SQSTM1: variants seen among roughly 807,000 people sequenced by gnomAD.
SQSTM1 encodes sequestosome-1.
SQSTM1 carries 36 observed loss-of-function variants against 45.1 expected under a neutral mutation model. That is an observed-to-expected ratio of 0.80 (90% CI 0.61 to 1.05). SQSTM1 has a LOEUF of 1.05. Ranked by LOEUF, SQSTM1 falls within the 50% of genes least tolerant of loss-of-function variation. SQSTM1 has a pLI of 0.00. For missense variants in SQSTM1, 617 were observed against 607.1 expected (o/e 1.02, Z -0.17); for synonymous variants, 290 against 244.3 (o/e 1.19, Z -1.74).
Position 179,806,531 on chromosome 5 carries a change from G to A in SQSTM1, c.-217G>A, listed in dbSNP as rs1239212407. 7.5e-7 allele frequency: 1 copy of A among 1,339,784 alleles called. No individual in the cohort carries two copies. Among genetic ancestry groups the A allele is most frequent in the Admixed American group, 2.6e-5 (1 of 38,962 alleles). The allele number at this position is 1,339,784 out of a possible 1,614,324, so 83.0% of individuals were successfully genotyped here. On this transcript the variant is annotated 5_prime_UTR_variant, in exon 1 of 6. Coordinates refer to the SQSTM1 transcript ENST00000514093. The surrounding 1 kb of genome is among the most constrained non-coding windows in gnomAD (Gnocchi z 4.6). Reference sequence around the variant, plus strand: ...CGCGTACCAGGACAGCGAGAGGAAGGCGCACAGGCAGAAGAGCAGCAGCGT... The same window carrying A: ...CGCGTACCAGGACAGCGAGAGGAAGACGCACAGGCAGAAGAGCAGCAGCGT...
chr5:179,836,681 A>G lies in SQSTM1; in HGVS notation c.*88A>G. 6.3e-7 allele frequency: 1 copy of G among 1,589,672 alleles called. No homozygotes were observed. The highest frequency in any genetic ancestry group is 8.6e-7 in the Non-Finnish European group (1 of 1,158,496). On this transcript the variant is annotated 3_prime_UTR_variant, in exon 8 of 8. Coordinates refer to ENST00000389805, the MANE Select transcript of SQSTM1 (RefSeq NM_003900.5). ...AGAATTGCAGGTCTCTGTACGGGCC[A>G]GTTTCTCTGCCTTCTTCCAGGATCA...
intron 5 of SQSTM1, among the ~76,000 whole-genome samples, chr5:179,828,670 G>A (rs567166740): frequency 1.3e-5 from 2 of 152,222 alleles, no homozygotes; most frequent in African/African-American, 4.8e-5. Flanking sequence ...CACTGTACCC[G>A]GCAGCTTCAA....
At chr5:179,835,470 G>A (rs972639671) in intron 7 of SQSTM1, 44 of 157,360 alleles carry the variant, frequency 2.8e-4, no homozygotes, top group African/African-American at 1.0e-3. Flanking sequence ...GATCACTCGT[G>A]GTTAGGAGCT....
At chr5:179,813,239 T>C (rs983778582) in intron 2 of SQSTM1, 1 of 152,196 alleles carries the variant, frequency 6.6e-6, no homozygotes, top group Non-Finnish European at 1.5e-5. Context: ...CTCACTGTCT[T>C]ACTATAGTCC....
At chr5:179,820,846 T>G (rs1430130569), upstream of SQSTM1, 4 of 1,252,252 alleles carry the variant, frequency 3.2e-6, no homozygotes, top group East Asian at 1.3e-4. Flanking sequence ...TCCGCCCCTC[T>G]CGAGGCGGGG....
intron 5 of SQSTM1, among the ~76,000 whole-genome samples, chr5:179,830,124 AAAC>A (rs1471300963): frequency 7.7e-5 from 7 of 91,114 alleles, no homozygotes; most frequent in East Asian, 4.7e-4. Context: ...AAACAAAACA[AAAC>A]AAAACAAAAA....
intron 5 of SQSTM1, among the ~76,000 whole-genome samples, chr5:179,830,152 T>C (rs936850485): frequency 4.6e-5 from 7 of 151,634 alleles, no homozygotes; most frequent in Non-Finnish European, 8.8e-5. Flanking sequence ...AAATGCAAGA[T>C]AGTTTCTTGG....
Position 179,827,490 on chromosome 5 carries a change from T to C in SQSTM1, c.754+2264T>C, listed in dbSNP as rs998010412. 5.5e-4 allele frequency among the ~76,000 whole-genome samples: 83 copies of C among 152,240 alleles called. 1 individual carries two copies. Among genetic ancestry groups the C allele is most frequent in the Admixed American group, 5.2e-3 (80 of 15,298 alleles). On this transcript the variant is annotated intron_variant, in intron 5 of 7. Transcript: ENST00000389805. ...TAGTAGAGACGGGGTTTCACCTTGT[T>C]GGCCAGGATGGTCTCGATATCCTGA...
Position 179,837,814 on chromosome 5 carries a change from G to A in SQSTM1, c.*1221G>A. 6.2e-7 allele frequency: 1 copy of A among 1,613,526 alleles called. No individual in the cohort carries two copies. Among genetic ancestry groups the A allele is most frequent in the Non-Finnish European group, 8.5e-7 (1 of 1,180,020 alleles). ...CAGGACCCCTCAGCTCCCCGGCACT[G>A]CAGTCTGCAGAGTTCTCCTGGAGGC... On this transcript the variant is annotated 3_prime_UTR_variant, in exon 8 of 8. Transcript: ENST00000389805.
chr5:179,806,590 G>T lies in SQSTM1; in HGVS notation c.-158G>T, dbSNP rs954112740. On this transcript the variant is annotated splice_region_variant and 5_prime_UTR_variant, in exon 1 of 6. Transcript: ENST00000514093. This position sits in a 1 kb window ranked among gnomAD's most constrained non-coding sequence, Gnocchi z 4.6. ...TGCCATTGCGGAGCCTCATCTCCTC[G>T]GGTGCGCGGCGGGCGCCCGCGGGGC... 2 of 1,248,474 alleles carry T rather than the reference G, an allele frequency of 1.6e-6. No homozygotes were observed. Among genetic ancestry groups the T allele is most frequent in the Non-Finnish European group, 2.1e-6 (2 of 967,630 alleles). The allele number at this position is 1,248,474 out of a possible 1,614,324, so 77.3% of individuals were successfully genotyped here.
At chr5:179,836,249 T>C (rs868260612) in intron 7 of SQSTM1, 187 bp from the exon 8 acceptor site, 9 of 733,166 alleles carry the variant, frequency 1.2e-5, no homozygotes, top group Non-Finnish European at 1.9e-5. Flanking sequence ...AGTTGAGCAG[T>C]GTGAAAAAGA....
intron 5 of SQSTM1, among the ~76,000 whole-genome samples, chr5:179,825,997 C>T (rs989274975): frequency 1.3e-5 from 2 of 152,114 alleles, no homozygotes; most frequent in African/African-American, 2.4e-5. Flanking sequence ...TCTCGCTAGA[C>T]GAGTGAGCTT....
rs1356631950 is a variant in SQSTM1, at chr5:179,806,636, G to A, written c.-157+45G>A. 1.2e-5 allele frequency: 12 copies of A among 1,015,296 alleles called. No homozygotes were observed. In the Admixed American group the frequency reaches 2.1e-4, roughly 17 times the overall value. 62.9% of individuals were successfully genotyped at this position (1,015,296 alleles called of 1,614,324 possible). On this transcript the variant is annotated intron_variant, in intron 1 of 5. Coordinates refer to the SQSTM1 transcript ENST00000514093. The surrounding 1 kb of genome is among the most constrained non-coding windows in gnomAD (Gnocchi z 4.6). ...GGGGCCGAGGCTGCATGGCCCGGGGGACCGGGGCCGGGGCGCAGGGGTCGG... is the reference window on the plus strand; with the variant it reads ...GGGGCCGAGGCTGCATGGCCCGGGGAACCGGGGCCGGGGCGCAGGGGTCGG...
chr5:179,831,629 G>T (rs7379612), intron 5 of SQSTM1, among the ~76,000 whole-genome samples: 1 of 152,130 alleles, frequency 6.6e-6, no homozygotes, highest in Non-Finnish European at 1.5e-5. Flanking sequence ...GCGGCACTGC[G>T]CTCCAGCCTG....
At position 179,833,742 on chromosome 5, in the gene SQSTM1, A is replaced by C. The variant is rs1435524080; in HGVS notation, c.1125A>C (p.Thr375=). ...TGGACCCCTCCCAGGAGGGACCCACAGGGCTGAAGGAAGCTGCCTTGTACC... is the reference window on the plus strand; with the variant it reads ...TGGACCCCTCCCAGGAGGGACCCACCGGGCTGAAGGAAGCTGCCTTGTACC... The part of the protein sequence containing the change: ...SSLDPSQEGP[T]GLKEAALYPH... Residue 375 remains threonine, a synonymous_variant, in exon 7 of 8, where the codon ACA becomes ACC. Coordinates refer to ENST00000389805, the MANE Select transcript of SQSTM1 (RefSeq NM_003900.5). 1.9e-6 allele frequency: 3 copies of C among 1,614,036 alleles called. No homozygotes were observed. Among genetic ancestry groups the C allele is most frequent in the Non-Finnish European group, 2.5e-6 (3 of 1,180,020 alleles).
intron 5 of SQSTM1, among the ~76,000 whole-genome samples, chr5:179,832,462 C>T (rs1361969491): frequency 3.9e-5 from 6 of 152,216 alleles, no homozygotes; most frequent in South Asian, 2.1e-4. Flanking sequence ...AGAGCTCCGG[C>T]GTTGAGGTGT....
chr5:179,811,878 C>CA (rs1270185022), intron 2 of SQSTM1: 3 of 152,226 alleles, frequency 2.0e-5, no homozygotes, highest in African/African-American at 7.2e-5. Flanking sequence ...CATCTCGGCT[C>CA]ACTGCAAGCT....
intron 4 of SQSTM1, 122 bp downstream of exon 4, chr5:179,824,445 G>A (rs1757919177): frequency 1.4e-6 from 2 of 1,423,950 alleles, no homozygotes; most frequent in Non-Finnish European, 2.0e-6. Flanking sequence ...CCTTCCTGGT[G>A]CCCTACAATC....
rs539405132 is a variant in SQSTM1, at chr5:179,836,164, G to A, written c.1166-272G>A. On this transcript the variant is annotated intron_variant, in intron 7 of 7. Transcript: ENST00000389805. ...CATTTTAAAATCAAAAGATGTGACA[G>A]GTGAAATGCCTATTTCAGTGTCCAT... is the stretch of plus-strand genomic sequence containing the variant. 1.6e-5 allele frequency: 9 copies of A among 569,710 alleles called. No homozygotes were observed. The East Asian group carries it at 2.1e-4, about 13-fold the overall frequency. 35.3% of individuals were successfully genotyped at this position (569,710 alleles called of 1,614,324 possible).
Sources: allele counts gnomAD v4.1 joint callset (sites outside exome capture counted in the v4.1 genomes callset), GRCh38; gene constraint gnomAD v4.1.1; non-coding constraint Gnocchi (gnomAD v3.1); transcripts MANE v1.5; gene names NCBI Gene and HGNC (gene_info 2026-07-23, HGNC 2026-07-21).